INTS6L: variants seen among roughly 807,000 people sequenced by gnomAD.
INTS6L encodes the protein integrator complex subunit 6 like.
In INTS6L, 18 loss-of-function variants were observed where a neutral mutation model predicts 64.7. The ratio of observed to expected loss-of-function variants is 0.28; its 90% CI spans 0.19 to 0.41. The LOEUF (loss-of-function observed/expected upper bound fraction) is 0.41. Ranked by LOEUF, INTS6L falls within the 10% of genes least tolerant of loss-of-function variation. The probability of loss-of-function intolerance (pLI) is 1.00; values close to 1 mark genes in which losing one functional copy is unlikely to be tolerated. For missense variants in INTS6L, 533 were observed against 661.0 expected, an observed-to-expected ratio of 0.81 and a Z score of 2.12; for synonymous variants, 227 against 235.9, an observed-to-expected ratio of 0.96 and a Z score of 0.34.
intron 14 of INTS6L, among the ~76,000 whole-genome samples, 166 bp from the exon 15 acceptor site, chrX:135,577,027 G>T (rs2087247072): frequency 9.1e-6 from 1 of 110,434 alleles, no homozygotes; most frequent in South Asian, 3.8e-4. Flanking sequence ...CATGATTAAG[G>T]TTTATATTAG....
chrX:135,573,679 C>T (rs781879585), intron 12 of INTS6L, among the ~76,000 whole-genome samples: 6 of 112,320 alleles, frequency 5.3e-5, no homozygotes, highest in African/African-American at 1.6e-4. Context: ...TCCTGCAAGG[C>T]GGCCACAGGT....
chrX:135,522,422 T>C lies in INTS6L; in HGVS notation c.189+1104T>C, dbSNP rs141887339. ...TGTGGGGTAATTTATGTTCCTATGG[T>C]GAGGAGATAAAGAACTGCTGCTTTG... On this transcript the variant is annotated intron_variant, in intron 2 of 17. Coordinates refer to ENST00000639893, the MANE Select transcript of INTS6L (RefSeq NM_001351601.3). Among the ~76,000 whole-genome samples, 849 of 112,039 alleles carry C rather than the reference T, an allele frequency of 7.6e-3. 8 individuals carry two copies. The highest frequency in any genetic ancestry group is 0.026 in the African/African-American group (806 of 30,791).
intron 1 of INTS6L, 43 bp from the exon 2 acceptor site, chrX:135,521,198 C>T (rs2085533067): frequency 1.7e-6 from 2 of 1,195,416 alleles, no homozygotes; most frequent in Non-Finnish European, 2.3e-6. Context: ...GCCCTCCCCC[C>T]TCCTTTCCTA....
At chrX:135,575,933 T>C (rs1385384559) in intron 14 of INTS6L, among the ~76,000 whole-genome samples, 2 of 111,732 alleles carry the variant, frequency 1.8e-5, no homozygotes, top group East Asian at 5.6e-4. Context: ...ATAATCTCTT[T>C]TGTGACAAGA....
chrX:135,559,786 A>G lies in INTS6L; in HGVS notation c.1192+3486A>G, dbSNP rs959233407. ...TGTATGAGTGAATCAGTTTCTCTGC[A>G]TCTTCATCAGCCATTGGTGTTGTCA... is the stretch of plus-strand genomic sequence containing the variant. On this transcript the variant is annotated intron_variant, in intron 9 of 17. Transcript: ENST00000639893. Among the ~76,000 whole-genome samples the G allele has an allele frequency of 1.3e-4, 15 of 112,573 alleles. No individual in the cohort carries two copies. The East Asian group carries it at 3.6e-3, about 27-fold the overall frequency.
intron 2 of INTS6L, among the ~76,000 whole-genome samples, chrX:135,525,331 T>C (rs1199091128): frequency 1.8e-5 from 2 of 112,512 alleles, no homozygotes; most frequent in African/African-American, 6.4e-5. Flanking sequence ...TTATTTCTTT[T>C]TTGTTGAAGG....
At chrX:135,575,020 G>GTCTTC in intron 13 of INTS6L, 64 bp from the exon 14 acceptor site, 1 of 1,142,887 alleles carries the variant, frequency 8.7e-7, no homozygotes, top group East Asian at 3.0e-5. Flanking sequence ...CTATGATCAT[G>GTCTTC]TCTTCTCGAA....
At chrX:135,579,730 C>G in intron 15 of INTS6L, 58 bp from the exon 16 acceptor site, 4 of 1,124,075 alleles carry the variant, frequency 3.6e-6, no homozygotes, top group African/African-American at 1.8e-5. Context: ...AGGGATATAC[C>G]TGTGGGGTTG....
chrX:135,544,426 G>A (rs1208792619), intron 2 of INTS6L, among the ~76,000 whole-genome samples: 1 of 111,641 alleles, frequency 9.0e-6, no homozygotes, highest in African/African-American at 3.3e-5. Flanking sequence ...AAATGGTTTG[G>A]TTTATCTCGG....
At chrX:135,521,654 A>G (rs2085561710) in intron 2 of INTS6L, among the ~76,000 whole-genome samples, 1 of 108,266 alleles carries the variant, frequency 9.2e-6, no homozygotes, top group African/African-American at 3.4e-5. Flanking sequence ...GCTGAGATGG[A>G]AAGGAGGGAG....
rs1481582129 is a variant in INTS6L at position 135,549,700 on chromosome X, T to C, written c.801T>C (p.Ser267=). 5 of 1,211,890 alleles carry C rather than the reference T, an allele frequency of 4.1e-6. No individual in the cohort carries two copies. Among genetic ancestry groups the C allele is most frequent in the Non-Finnish European group, 4.5e-6 (4 of 895,278 alleles). ...SNSFAAQPWH[S]CHKLIYVRPN... ...CATTTGCTGCTCAGCCATGGCATAG[T>C]TGTCATAAACTCATTTATGTACGAC... is the stretch of plus-strand genomic sequence containing the variant. The change falls in exon 7 of 18, where the codon AGT becomes AGC. Residue 267 remains serine, a synonymous_variant. Coordinates refer to ENST00000639893, the MANE Select transcript of INTS6L (RefSeq NM_001351601.3).
chrX:135,546,641 T>C, intron 4 of INTS6L, 61 bp from the exon 5 acceptor site: 1 of 1,131,759 alleles, frequency 8.8e-7, no homozygotes, highest in Non-Finnish European at 1.2e-6. Context: ...AACCCTTTAA[T>C]TCTTTCTTCA....
intron 8 of INTS6L, 152 bp downstream of exon 8, chrX:135,552,298 G>A (rs17001019): frequency 0.042 from 24,196 of 578,922 alleles, 922 homozygotes; most frequent in African/African-American, 0.19. Context: ...ACAGGGCCAG[G>A]CAAATAATTT....
At chrX:135,559,759 A>C (rs782470398) in intron 9 of INTS6L, among the ~76,000 whole-genome samples, 41 of 112,433 alleles carry the variant, frequency 3.6e-4, no homozygotes, top group African/African-American at 9.4e-4. Flanking sequence ...TCCCACTATT[A>C]GTGTATGAGT....
At chrX:135,522,707 A>G (rs2085618726) in intron 2 of INTS6L, among the ~76,000 whole-genome samples, 1 of 112,141 alleles carries the variant, frequency 8.9e-6, no homozygotes, top group South Asian at 3.7e-4. Context: ...TCCTTCAAGC[A>G]TAAGGAAACC....
chrX:135,541,263 A>G (rs1055116282), intron 2 of INTS6L, among the ~76,000 whole-genome samples: 2 of 112,174 alleles, frequency 1.8e-5, no homozygotes, highest in Non-Finnish European at 3.8e-5. Context: ...TCAGTGTCCA[A>G]TAGAAATATA....
Position 135,575,304 on chromosome X carries a change from A to G in INTS6L, c.1884+78A>G, listed in dbSNP as rs782332290. ...TTATTTTCTTTTTGGCAAGATAAAT[A>G]CAAATCAGAGGTTCTTCATTTGTTT... On this transcript the variant is annotated intron_variant, in intron 14 of 17. Coordinates refer to ENST00000639893, the MANE Select transcript of INTS6L (RefSeq NM_001351601.3). The G allele has an allele frequency of 1.3e-5, 14 of 1,085,664 alleles. No individual in the cohort carries two copies. In the South Asian group the frequency reaches 3.2e-4, roughly 25 times the overall value. 89.5% of individuals were successfully genotyped at this position (1,085,664 alleles called of 1,213,427 possible). A position where few individuals can be genotyped will look rare whatever the true frequency, so the allele number is the denominator to read the frequency against.
Position 135,546,761 on chromosome X carries a change from T to C in INTS6L, c.489T>C (p.Arg163=), listed in dbSNP as rs1556515187. The change falls in exon 5 of 18, where the codon CGT becomes CGC. Residue 163 remains arginine (R), a synonymous_variant. Coordinates refer to ENST00000639893, the MANE Select transcript of INTS6L (RefSeq NM_001351601.3). ...PGSELTKEPF[R]WDQRLFALVL... ...GTGAACTAACCAAAGAACCTTTTCGTTGGGATCAAAGGTTATTTGCCCTGG... is the reference window on the plus strand; with the variant it reads ...GTGAACTAACCAAAGAACCTTTTCGCTGGGATCAAAGGTTATTTGCCCTGG... 1 of 1,211,545 alleles carries C rather than the reference T, an allele frequency of 8.3e-7. No homozygotes were observed. Among genetic ancestry groups the C allele is most frequent in the Non-Finnish European group, 1.1e-6 (1 of 895,326 alleles).
At chrX:135,521,860 C>T (rs2085582305) in intron 2 of INTS6L, among the ~76,000 whole-genome samples, 1 of 109,107 alleles carries the variant, frequency 9.2e-6, no homozygotes, top group African/African-American at 3.3e-5. Context: ...CTCCTTCCTC[C>T]CCCGGTCTTC....
Sources: gnomAD v4.1 joint callset for allele counts (sites outside exome capture counted in the v4.1 genomes callset) on GRCh38, gnomAD v4.1.1 for gene constraint, MANE v1.5 for transcripts, NCBI Gene and HGNC (gene_info 2026-07-23, HGNC 2026-07-21) for gene names.